The following ILRUN variants were observed in gnomAD, a reference collection of about 807,000 sequenced individuals.
The protein encoded by ILRUN is inflammation and lipid regulator with UBA-like and NBR1-like domains.
In ILRUN, 3 loss-of-function variants were observed where a neutral mutation model predicts 33.8. That is an observed-to-expected ratio of 0.09 (90% CI 0.04 to 0.23). The LOEUF is 0.23. ILRUN is among the 10% of genes least tolerant of loss of function. The pLI is 1.00. For missense variants in ILRUN, 210 were observed against 375.1 expected (o/e 0.56, Z 3.64); for synonymous variants, 124 against 138.9 (o/e 0.89, Z 0.75).
chr6:34,601,200 A>G (rs1258598512), intron 4 of ILRUN, among the ~76,000 whole-genome samples: 2 of 152,220 alleles, frequency 1.3e-5, no homozygotes, highest in Non-Finnish European at 2.9e-5. Flanking sequence ...ATAAATTTTA[A>G]TAACAAAAAT....
chr6:34,689,623 A>G (rs547324060), intron 1 of ILRUN, among the ~76,000 whole-genome samples: 8 of 152,226 alleles, frequency 5.3e-5, no homozygotes, highest in African/African-American at 1.9e-4. Context: ...CATATAAACC[A>G]CAGCATAGAT....
At chr6:34,650,729 G>A (rs1182090043) in intron 2 of ILRUN, among the ~76,000 whole-genome samples, 2 of 152,040 alleles carry the variant, frequency 1.3e-5, no homozygotes, top group Non-Finnish European at 2.9e-5. Flanking sequence ...GGGATTACAG[G>A]GTTGAGCTAT....
At chr6:34,681,709 C>T (rs965512368) in intron 1 of ILRUN, among the ~76,000 whole-genome samples, 3 of 152,070 alleles carry the variant, frequency 2.0e-5, no homozygotes, top group South Asian at 4.1e-4. Context: ...GTCAGACGAG[C>T]TTACTACTAG....
At chr6:34,605,318 C>CAAAAAAAAA (rs78612898) in intron 4 of ILRUN, among the ~76,000 whole-genome samples, 106 of 74,124 alleles carry the variant, frequency 1.4e-3, no homozygotes, top group East Asian at 0.013. Flanking sequence ...AAAACAAAAA[C>CAAAAAAAAA]AAAAAAAAAA....
chr6:34,614,435 A>ATAT lies in ILRUN; in HGVS notation c.512-7532_512-7531insATA, dbSNP rs1289507613. Among the ~76,000 whole-genome samples, 129 of 123,388 alleles carry ATAT rather than the reference A, an allele frequency of 1.0e-3. 2 individuals carry two copies. Among genetic ancestry groups the ATAT allele is most frequent in the African/African-American group, 4.5e-3 (117 of 26,106 alleles). The allele number at this position is 123,388 out of a possible 152,430, so 80.9% of individuals were successfully genotyped here. ...AGACTCCATCTCAAAAAATAATAAA[A>ATAT]AAAAAAAAATATATATATATAAAAT... On this transcript the variant is annotated intron_variant, in intron 3 of 4. Transcript: ENST00000374023.
chr6:34,649,287 A>T (rs1363396905), intron 2 of ILRUN, among the ~76,000 whole-genome samples: 1 of 152,238 alleles, frequency 6.6e-6, no homozygotes, highest in Admixed American at 6.5e-5. Flanking sequence ...CTTGATACAG[A>T]AGGAAGGGAA....
rs1762278304 is a variant in ILRUN, at chr6:34,632,949, T to G, written c.511+13652A>C. ...AGTGGTAAAACTAAATTCAAACATT[T>G]CAATAATTATATTAAATGTGAATAG... On this transcript the variant is annotated intron_variant, in intron 3 of 4. Coordinates refer to ENST00000374023, the MANE Select transcript of ILRUN (RefSeq NM_024294.4). 3.3e-5 allele frequency among the ~76,000 whole-genome samples: 5 copies of G among 152,162 alleles called. No homozygotes were observed. The South Asian group carries it at 1.0e-3, about 32-fold the overall frequency.
In ILRUN at chr6:34,664,757, A is replaced by G. The variant is rs77685398; in HGVS notation, c.159-9978T>C. ...ATGTGACTGAGAAAAAGCTATCTTT[A>G]TAAACAAAATGTCTATGGTTTATCG... On this transcript the variant is annotated intron_variant, in intron 1 of 4. Transcript: ENST00000374023. Among the ~76,000 whole-genome samples the G allele has an allele frequency of 7.3e-3, 1,118 of 152,348 alleles. 21 individuals are homozygous for G. Among genetic ancestry groups the G allele is most frequent in the African/African-American group, 0.026 (1,063 of 41,578 alleles).
chr6:34,591,424 G>A (rs1029520761), intron 4 of ILRUN, among the ~76,000 whole-genome samples: 1 of 152,168 alleles, frequency 6.6e-6, no homozygotes, highest in Non-Finnish European at 1.5e-5. Context: ...GAACCTGGAA[G>A]GTCGAAGCTG....
chr6:34,629,706 A>G lies in ILRUN; in HGVS notation c.511+16895T>C, dbSNP rs781103123. ...CTGGATCTGTGATTTGATGTCTGAC[A>G]TTAATTTGGAGAAATTTTCAGCCGT... On this transcript the variant is annotated intron_variant, in intron 3 of 4. Coordinates refer to ENST00000374023, the MANE Select transcript of ILRUN (RefSeq NM_024294.4). Among the ~76,000 whole-genome samples, 40 of 152,134 alleles carry G rather than the reference A, an allele frequency of 2.6e-4. 1 individual carries two copies. Among genetic ancestry groups the G allele is most frequent in the Non-Finnish European group, 4.0e-4 (27 of 68,026 alleles).
At chr6:34,600,863 G>C (rs1002480668) in intron 4 of ILRUN, among the ~76,000 whole-genome samples, 6 of 152,186 alleles carry the variant, frequency 3.9e-5, no homozygotes, top group African/African-American at 1.4e-4. Flanking sequence ...CTTGAACACT[G>C]CAATTGGGAA....
intron 1 of ILRUN, among the ~76,000 whole-genome samples, chr6:34,689,145 C>T (rs138720697): frequency 1.3e-5 from 2 of 152,112 alleles, no homozygotes; most frequent in African/African-American, 2.4e-5. Flanking sequence ...ACTGTGAATG[C>T]GCTAAACACC....
intron 1 of ILRUN, among the ~76,000 whole-genome samples, chr6:34,680,228 T>C (rs1763330876): frequency 6.6e-6 from 1 of 152,242 alleles, no homozygotes; most frequent in African/African-American, 2.4e-5. Context: ...AGAATTATTG[T>C]ATTAAATTAT....
At chr6:34,640,197 T>G (rs1361369643) in intron 3 of ILRUN, among the ~76,000 whole-genome samples, 1 of 152,038 alleles carries the variant, frequency 6.6e-6, no homozygotes, top group Admixed American at 6.6e-5. Flanking sequence ...CCACGGATCT[T>G]TAGTGGGAGG....
rs183003063 is a variant in ILRUN at position 34,675,604 on chromosome 6, A to G, written c.159-20825T>C. ...GCTGCTGCACTTTAAAGCAGAAATC[A>G]AAAAGGAAAAGACTGCTGGAGTCAA... On this transcript the variant is annotated intron_variant, in intron 1 of 4. Coordinates refer to ENST00000374023, the MANE Select transcript of ILRUN (RefSeq NM_024294.4). Among the ~76,000 whole-genome samples, 302 of 152,290 alleles carry G rather than the reference A, an allele frequency of 2.0e-3. 1 individual carries two copies. Among genetic ancestry groups the G allele is most frequent in the African/African-American group, 6.8e-3 (284 of 41,558 alleles).
intron 3 of ILRUN, among the ~76,000 whole-genome samples, chr6:34,641,008 G>T (rs1283855253): frequency 6.8e-6 from 1 of 147,636 alleles, no homozygotes. Flanking sequence ...GAACCTGGGA[G>T]GCAGAGGTTG....
chr6:34,674,672 T>A (rs1763189371), intron 1 of ILRUN, among the ~76,000 whole-genome samples: 1 of 152,204 alleles, frequency 6.6e-6, no homozygotes, highest in African/African-American at 2.4e-5. Flanking sequence ...AGAACTACTT[T>A]ACTCTTTAAA....
rs1294167671 is a variant in ILRUN at position 34,631,182 on chromosome 6, A to C, written c.511+15419T>G. Among the ~76,000 whole-genome samples the C allele has an allele frequency of 5.3e-5, 8 of 152,198 alleles. No homozygotes were observed. In the East Asian group the frequency reaches 1.5e-3, roughly 29 times the overall value. On this transcript the variant is annotated intron_variant, in intron 3 of 4. Transcript: ENST00000374023. ...TTGCTTTTTAGTATACCCTGCTGAA[A>C]GGTAGACAGGATGTACTGGCTAAAA... is the stretch of plus-strand genomic sequence containing the variant.
Position 34,587,770 on chromosome 6 carries a change from G to C in ILRUN, c.*2795C>G. The C allele has an allele frequency of 3.3e-6, 1 of 307,256 alleles. No individual in the cohort carries two copies. The highest frequency in any genetic ancestry group is 6.0e-6 in the Non-Finnish European group (1 of 167,678). 19.0% of individuals were successfully genotyped at this position (307,256 alleles called of 1,614,324 possible). On this transcript the variant is annotated 3_prime_UTR_variant, in exon 5 of 5. Coordinates refer to ENST00000374023, the MANE Select transcript of ILRUN (RefSeq NM_024294.4). Reference sequence around the variant, plus strand: ...AATTCAACTGTCCTCACGGCAAAAAGAAAAAAAGCATGCACACGTGCACAT... The same window carrying C: ...AATTCAACTGTCCTCACGGCAAAAACAAAAAAAGCATGCACACGTGCACAT...
Sources: allele counts gnomAD v4.1 joint callset (sites outside exome capture counted in the v4.1 genomes callset), GRCh38; gene constraint gnomAD v4.1.1; transcripts MANE v1.5; gene names NCBI Gene and HGNC (gene_info 2026-07-23, HGNC 2026-07-21).